Variants in TMEM87A observed in about 807,000 individuals in gnomAD.
TMEM87A encodes transmembrane protein 87A, also known as Golgi-pH regulating cation channel.
Under a neutral mutation model 90.0 loss-of-function variants are expected in TMEM87A, and 50 were observed. The observed-to-expected ratio is 0.56, with a 90% CI of 0.44 to 0.70. The LOEUF is 0.70. Ranked by LOEUF, TMEM87A falls within the 30% of genes least tolerant of loss-of-function variation. The pLI is 0.00. For missense variants in TMEM87A, 577 were observed against 660.5 expected, an observed-to-expected ratio of 0.87 and a Z score of 1.39; for synonymous variants, 226 against 226.7, an observed-to-expected ratio of 1.00 and a Z score of 0.03.
At chr15:42,239,874 T>C in intron 7 of TMEM87A, 143 bp from the exon 8 acceptor site, 1 of 733,662 alleles carries the variant, frequency 1.4e-6, no homozygotes, top group Middle Eastern at 3.5e-4. Flanking sequence ...AATATTACAT[T>C]ATATTTGTAC....
intron 6 of TMEM87A, among the ~76,000 whole-genome samples, chr15:42,250,058 G>A (rs1000111738): frequency 6.6e-6 from 1 of 152,154 alleles, no homozygotes; most frequent in Non-Finnish European, 1.5e-5. Context: ...TTGGTTTAAA[G>A]TCTGTTTTAT....
At chr15:42,217,598 A>C (rs1486712967) in intron 19 of TMEM87A, among the ~76,000 whole-genome samples, 1 of 152,222 alleles carries the variant, frequency 6.6e-6, no homozygotes, top group African/African-American at 2.4e-5. Flanking sequence ...GAAAGGTGAA[A>C]CATGTATAGA....
At chr15:42,211,813 T>C in intron 19 of TMEM87A, 64 bp from the exon 20 acceptor site, 2 of 1,404,414 alleles carry the variant, frequency 1.4e-6, no homozygotes, top group Non-Finnish European at 2.0e-6. Flanking sequence ...AAATATCTTC[T>C]ATACAGACTA....
At chr15:42,247,240 T>C (rs975568896) in intron 6 of TMEM87A, among the ~76,000 whole-genome samples, 2 of 152,200 alleles carry the variant, frequency 1.3e-5, no homozygotes, top group African/African-American at 2.4e-5. Context: ...ATTCTGCAGG[T>C]TGCCTGTTCA....
At chr15:42,255,451 G>C (rs1172037561) in intron 6 of TMEM87A, among the ~76,000 whole-genome samples, 1 of 151,810 alleles carries the variant, frequency 6.6e-6, no homozygotes, top group African/African-American at 2.4e-5. Context: ...TTTTTGTAGA[G>C]ATAGTGTCTC....
rs2051538629 is a variant in TMEM87A, at chr15:42,271,944, AT to A, written c.205+118del. 3.7e-6 allele frequency: 3 copies of A among 813,176 alleles called. No individual in the cohort carries two copies. In the East Asian group the frequency reaches 8.5e-5, roughly 23 times the overall value. The allele number at this position is 813,176 out of a possible 1,614,324, so 50.4% of individuals were successfully genotyped here. A position where few individuals can be genotyped will look rare whatever the true frequency, so the allele number is the denominator to read the frequency against. Reference sequence around the variant, plus strand: ...AAAGGACCTTAGTAATACTAAAAATATTTATACCTAGATAATGCCAGACTAT... The same window carrying A: ...AAAGGACCTTAGTAATACTAAAAATATTATACCTAGATAATGCCAGACTAT... On this transcript the variant is annotated intron_variant, in intron 2 of 19. Coordinates refer to ENST00000389834, the MANE Select transcript of TMEM87A (RefSeq NM_015497.5).
At chr15:42,261,350 C>A in intron 4 of TMEM87A, 101 bp from the exon 5 acceptor site, 1 of 861,490 alleles carries the variant, frequency 1.2e-6, no homozygotes, top group Non-Finnish European at 1.7e-6. Flanking sequence ...ACACCACACC[C>A]TAACTAGTAA....
At chr15:42,229,533 G>C (rs1307975268) in intron 12 of TMEM87A, among the ~76,000 whole-genome samples, 1 of 151,870 alleles carries the variant, frequency 6.6e-6, no homozygotes, top group Non-Finnish European at 1.5e-5. Flanking sequence ...TTTAAGGTGG[G>C]TAGCTCTGTT....
At chr15:42,239,381 G>T (rs1011485514) in intron 8 of TMEM87A, among the ~76,000 whole-genome samples, 1 of 152,092 alleles carries the variant, frequency 6.6e-6, no homozygotes, top group Non-Finnish European at 1.5e-5. Flanking sequence ...CAATAGAGTT[G>T]TAGTAAAAAG....
At chr15:42,264,888 C>T (rs967331570) in intron 3 of TMEM87A, among the ~76,000 whole-genome samples, 3 of 151,710 alleles carry the variant, frequency 2.0e-5, no homozygotes, top group African/African-American at 7.3e-5. Flanking sequence ...CAGTGTCTGC[C>T]GTTCCCCTCT....
At chr15:42,261,284 G>T in intron 4 of TMEM87A, 35 bp from the exon 5 acceptor site, 1 of 1,579,446 alleles carries the variant, frequency 6.3e-7, no homozygotes, top group East Asian at 2.2e-5. Flanking sequence ...CATTAAAGGT[G>T]TGTAAATACT....
intron 17 of TMEM87A, 68 bp from the exon 18 acceptor site, chr15:42,218,446 A>G (rs994836959): frequency 4.7e-6 from 7 of 1,491,446 alleles, no homozygotes; most frequent in Middle Eastern, 1.7e-4. Context: ...AAGGACATGA[A>G]GGTCTTAAAA....
intron 15 of TMEM87A, among the ~76,000 whole-genome samples, chr15:42,223,953 A>G (rs1446349551): frequency 6.6e-6 from 1 of 151,926 alleles, no homozygotes; most frequent in Non-Finnish European, 1.5e-5. Flanking sequence ...GAAATACTTT[A>G]AAAATTACAA....
chr15:42,273,553 T>C (rs2051610818), upstream of TMEM87A: 52 of 1,315,494 alleles, frequency 4.0e-5, 1 homozygote, highest in Non-Finnish European at 5.1e-5. Context: ...TCTCAGACAG[T>C]CGTCTGTGCG....
intron 6 of TMEM87A, chr15:42,258,994 G>C (rs1167794972): frequency 3.6e-6 from 3 of 830,572 alleles, no homozygotes; most frequent in African/African-American, 3.4e-5. Flanking sequence ...TCTGAATCTA[G>C]GAAAGAAAAG....
rs901535018 is a variant in TMEM87A at position 42,262,580 on chromosome 15, T to C, written c.406-1331A>G. Among the ~76,000 whole-genome samples the C allele has an allele frequency of 7.9e-5, 12 of 152,026 alleles. No individual in the cohort carries two copies. In the South Asian group the frequency reaches 2.5e-3, roughly 32 times the overall value. On this transcript the variant is annotated intron_variant, in intron 4 of 19. Coordinates refer to ENST00000389834, the MANE Select transcript of TMEM87A (RefSeq NM_015497.5). ...CTGGGATTACAGGTACCCGCCACCA[T>C]GCCCGGCTAATTTTTTTGTAGAGAC...
chr15:42,233,713 T>C (rs2050725436), intron 10 of TMEM87A, among the ~76,000 whole-genome samples: 2 of 152,148 alleles, frequency 1.3e-5, no homozygotes, highest in Admixed American at 1.3e-4. Context: ...TATATTTCAG[T>C]ATGTGTTTTT....
At chr15:42,242,774 A>AT (rs902419196) in intron 7 of TMEM87A, among the ~76,000 whole-genome samples, 21 of 152,170 alleles carry the variant, frequency 1.4e-4, no homozygotes, top group East Asian at 3.9e-4. Context: ...CATTCTTAAC[A>AT]TTTTTTTTAA....
intron 10 of TMEM87A, among the ~76,000 whole-genome samples, chr15:42,235,835 C>G: frequency 6.6e-6 from 1 of 152,210 alleles, no homozygotes; most frequent in Non-Finnish European, 1.5e-5. Context: ...TTTGTCCCCT[C>G]CCTCCACAAA....
Sources: gnomAD v4.1 joint callset for allele counts (sites outside exome capture counted in the v4.1 genomes callset) on GRCh38, gnomAD v4.1.1 for gene constraint, MANE v1.5 for transcripts, NCBI Gene and HGNC (gene_info 2026-07-23, HGNC 2026-07-21) for gene names.